SCIMP: variants seen among roughly 807,000 people sequenced by gnomAD.
The protein encoded by SCIMP is SLP adaptor and CSK interacting membrane protein, also known as SLP adapter and CSK-interacting membrane protein.
In SCIMP, 18 loss-of-function variants were observed where a neutral mutation model predicts 22.0. The ratio of observed to expected loss-of-function variants is 0.82; its 90% CI spans 0.56 to 1.21. SCIMP has a LOEUF of 1.21. SCIMP is among the 50% of genes most tolerant of loss of function. The pLI is 0.00. For missense variants in SCIMP, 155 were observed against 171.2 expected (o/e 0.91, Z 0.53); for synonymous variants, 53 against 62.2 (o/e 0.85, Z 0.70).
intron 3 of SCIMP, among the ~76,000 whole-genome samples, chr17:5,217,519 G>A (rs1032735066): frequency 3.3e-4 from 50 of 151,234 alleles, no homozygotes; most frequent in African/African-American, 1.1e-3. Context: ...CCATTAACTC[G>A]TCATTTAGCA....
chr17:5,220,901 T>C (rs1486150741), intron 3 of SCIMP: 4 of 341,062 alleles, frequency 1.2e-5, no homozygotes, highest in Admixed American at 4.1e-5. Flanking sequence ...CTACTAAAAA[T>C]ACAAAAATTA....
chr17:5,221,251 C>T, intron 3 of SCIMP, 36 bp downstream of exon 3: 1 of 1,505,966 alleles, frequency 6.6e-7, no homozygotes, highest in South Asian at 1.1e-5. Context: ...AGGCAGTTCT[C>T]AACAGTAAAA....
rs957679863 is a variant in SCIMP, at chr17:5,223,348, A to C, written c.130T>G (p.Trp44Gly). 14 of 1,613,740 alleles carry C rather than the reference A, an allele frequency of 8.7e-6. No homozygotes were observed. Among genetic ancestry groups the C allele is most frequent in the Non-Finnish European group, 1.2e-5 (14 of 1,179,890 alleles). The change falls in exon 2 of 5, where the codon TGG becomes GGG. Residue 44 changes from tryptophan to glycine, a missense_variant. By Grantham distance (184) the Trp-to-Gly change is radical. Coordinates refer to ENST00000574081, the MANE Select transcript of SCIMP (RefSeq NM_207103.3). The stretch of plus-strand genomic sequence containing the variant: ...TGGCCATTACCTCGTCTAAGCTGCC[A>C]CTTACAGACACAGTACAGGATGAGG... ...LGLILYCVCK[W>G]QLRRGKKWEI...
chr17:5,229,651 C>T (rs1014446194), intron 1 of SCIMP, among the ~76,000 whole-genome samples: 1 of 152,106 alleles, frequency 6.6e-6, no homozygotes, highest in South Asian at 2.1e-4. Context: ...CCGCCTTGGC[C>T]TCCCAAAGTG....
intron 1 of SCIMP, 126 bp from the exon 2 acceptor site, chr17:5,223,582 G>A: frequency 5.9e-6 from 5 of 852,494 alleles, no homozygotes; most frequent in South Asian, 2.8e-5. Flanking sequence ...TCACTCTGTC[G>A]CCCAGGCTGG....
At chr17:5,224,696 C>A (rs2641254) in intron 1 of SCIMP, among the ~76,000 whole-genome samples, 83,339 of 150,688 alleles carry the variant, frequency 0.55, 24,783 homozygotes, top group Non-Finnish European at 0.69. Flanking sequence ...ACCTTGTGAT[C>A]TACCTGCCTC....
rs750874732 is a variant in SCIMP, at chr17:5,221,364, A to T, written c.146-14T>A. On this transcript the variant is annotated splice_polypyrimidine_tract_variant and intron_variant, in intron 2 of 4. Coordinates refer to ENST00000574081, the MANE Select transcript of SCIMP (RefSeq NM_207103.3). ...CCCATTTCTTGCCTAAGAGGGGAAA[A>T]GCATGTTCATTGAAGAAGAATTAGC... 3.1e-6 allele frequency: 5 copies of T among 1,604,732 alleles called. No homozygotes were observed. In the South Asian group the frequency reaches 5.5e-5, roughly 18 times the overall value.
At chr17:5,230,921 A>G (rs1470261035) in intron 1 of SCIMP, among the ~76,000 whole-genome samples, 1 of 152,196 alleles carries the variant, frequency 6.6e-6, no homozygotes, top group Admixed American at 6.6e-5. Context: ...AGCCTGGGTT[A>G]TAGAGTGAGA....
chr17:5,229,384 CTTTTTTTT>C (rs71151849), intron 1 of SCIMP, among the ~76,000 whole-genome samples: 3 of 59,284 alleles, frequency 5.1e-5, no homozygotes, highest in Admixed American at 2.3e-4. Context: ...GTTTATTTAG[CTTTTTTTT>C]TTTTTTTTTT....
chr17:5,214,786 GC>G (rs2074552459), intron 4 of SCIMP, 138 bp downstream of exon 4: 1 of 588,176 alleles, frequency 1.7e-6, no homozygotes, highest in African/African-American at 2.0e-5. Flanking sequence ...CTTGCAGTGA[GC>G]CGAGATCGTG....
chr17:5,209,427 T>G lies in SCIMP; in HGVS notation c.*1374A>C, dbSNP rs2144295907. The G allele has an allele frequency of 6.6e-6, 1 of 152,306 alleles. No homozygotes were observed. The highest frequency in any genetic ancestry group is 1.9e-4 in the East Asian group (1 of 5,178). The allele number at this position is 152,306 out of a possible 1,614,324, so 9.4% of individuals were successfully genotyped here. On this transcript the variant is annotated 3_prime_UTR_variant, in exon 5 of 5. Coordinates refer to ENST00000574081, the MANE Select transcript of SCIMP (RefSeq NM_207103.3). ...ATTAATAGCAAGGTGGAAGCCTTCATAGAGTCTGGAAAGAGAGAACCAGGG... is the reference window on the plus strand; with the variant it reads ...ATTAATAGCAAGGTGGAAGCCTTCAGAGAGTCTGGAAAGAGAGAACCAGGG...
chr17:5,230,056 G>A (rs896202132), intron 1 of SCIMP, among the ~76,000 whole-genome samples: 2 of 151,256 alleles, frequency 1.3e-5, no homozygotes, highest in African/African-American at 4.9e-5. Context: ...TCAAACTCTG[G>A]GCCCCAAGTG....
intron 1 of SCIMP, among the ~76,000 whole-genome samples, chr17:5,231,406 G>C (rs1396827252): frequency 1.3e-5 from 2 of 151,836 alleles, no homozygotes; most frequent in Non-Finnish European, 2.9e-5. Flanking sequence ...CAGGAACTTG[G>C]GGTCAGCTCT....
At position 5,210,552 on chromosome 17, in the gene SCIMP, T is replaced by C. The variant is rs577947011; in HGVS notation, c.*249A>G. 7.6e-6 allele frequency: 3 copies of C among 395,110 alleles called. No individual in the cohort carries two copies. The South Asian group carries it at 1.6e-4, about 21-fold the overall frequency. 24.5% of individuals were successfully genotyped at this position (395,110 alleles called of 1,614,324 possible). A position where few individuals can be genotyped will look rare whatever the true frequency, so the allele number is the denominator to read the frequency against. Reference sequence around the variant, plus strand: ...GTGGTCCTTCCCATGGAAAGTTTCCTCAACAGCACAAGGCTGACCCCTCTA... The same window carrying C: ...GTGGTCCTTCCCATGGAAAGTTTCCCCAACAGCACAAGGCTGACCCCTCTA... On this transcript the variant is annotated 3_prime_UTR_variant, in exon 5 of 5. Transcript: ENST00000574081.
intron 2 of SCIMP, 91 bp downstream of exon 2, chr17:5,223,242 C>T: frequency 7.1e-7 from 1 of 1,407,860 alleles, no homozygotes; most frequent in Non-Finnish European, 9.9e-7. Context: ...TCATTCAGGC[C>T]CAGGATTGAT....
At chr17:5,232,642 C>A in intron 1 of SCIMP, among the ~76,000 whole-genome samples, 1 of 152,058 alleles carries the variant, frequency 6.6e-6, no homozygotes, top group East Asian at 1.9e-4. Context: ...GCAGTTCTTG[C>A]CCCAGTTCAC....
chr17:5,219,943 A>G (rs1198937591), intron 3 of SCIMP, among the ~76,000 whole-genome samples: 1 of 152,168 alleles, frequency 6.6e-6, no homozygotes, highest in Non-Finnish European at 1.5e-5. Context: ...GACAACTGCA[A>G]GCTTTGCCTG....
At chr17:5,219,518 C>T (rs1169570404) in intron 3 of SCIMP, among the ~76,000 whole-genome samples, 1 of 147,880 alleles carries the variant, frequency 6.8e-6, no homozygotes, top group Non-Finnish European at 1.5e-5. Context: ...ATCCCAGCTG[C>T]TTAGGAAGCT....
chr17:5,213,668 G>T (rs2144306333), intron 4 of SCIMP: 1 of 152,214 alleles, frequency 6.6e-6, no homozygotes, highest in Middle Eastern at 3.4e-3. Flanking sequence ...TCAATATGGT[G>T]AAACCCCGTC....
Sources: gnomAD v4.1 joint callset for allele counts (sites outside exome capture counted in the v4.1 genomes callset) on GRCh38, gnomAD v4.1.1 for gene constraint, MANE v1.5 for transcripts, NCBI Gene and HGNC (gene_info 2026-07-23, HGNC 2026-07-21) for gene names.